Variants in TMEM273 observed in about 807,000 individuals in gnomAD.
TMEM273 encodes transmembrane protein 273, also known as chromosome 10 open reading frame 128.
A neutral mutation model predicts 17.9 loss-of-function variants in TMEM273; 19 were observed. The observed-to-expected ratio is 1.06, with a 90% confidence interval of 0.74 to 1.55. The LOEUF is 1.55. Among genes scored for constraint, TMEM273 ranks in the 40% most tolerant of loss-of-function variants. The pLI is 0.00. For missense variants in TMEM273, 194 were observed against 155.6 expected, an observed-to-expected ratio of 1.25 and a Z score of -1.31; for synonymous variants, 66 against 62.0, an observed-to-expected ratio of 1.07 and a Z score of -0.31.
In TMEM273 at chr10:49,155,519, G is replaced by C. The variant is rs1018452407; in HGVS notation, c.*373C>G. 4.2e-5 allele frequency: 13 copies of C among 306,046 alleles called. No homozygotes were observed. The highest frequency in any genetic ancestry group is 6.7e-5 in the Non-Finnish European group (11 of 163,814). 19.0% of individuals were successfully genotyped at this position (306,046 alleles called of 1,614,324 possible). On this transcript the variant is annotated 3_prime_UTR_variant, in exon 7 of 7. Transcript: ENST00000374153. ...GATGGCAGTGTGTAGGAAGCTGTGT[G>C]TTGGGTCGGATTCCCCTTTTCATGA...
Position 49,175,230 on chromosome 10 carries a change from G to A in TMEM273, c.44-7268C>T, listed in dbSNP as rs149689917. On this transcript the variant is annotated intron_variant, in intron 1 of 6. Coordinates refer to ENST00000374153, the MANE Select transcript of TMEM273 (RefSeq NM_001288740.3). ...GCTGGGGATACTGGCATAAGATGTG[G>A]CCGGCACTGTGGACAGATAAGGTTT... 9.9e-4 allele frequency among the ~76,000 whole-genome samples: 151 copies of A among 152,286 alleles called. 1 individual carries two copies. The highest frequency in any genetic ancestry group is 3.4e-3 in the Middle Eastern group (1 of 294).
Position 49,165,775 on chromosome 10 carries a change from C to G in TMEM273, c.260G>C (p.Arg87Thr). Residue 87 changes from arginine (R) to threonine (T), a missense_variant, in exon 4 of 7, where the codon AGA (arginine) becomes ACA (threonine). Coordinates refer to ENST00000374153, the MANE Select transcript of TMEM273 (RefSeq NM_001288740.3). ...GLSDTIPLKK[R>T]APRKLQASTL... ...TGGGCAGTGACCTTACCTTGGGGCT[C>G]TCTTCTTTAGCGGGATGGTGTCTAA... The G allele has an allele frequency of 1.2e-6, 2 of 1,614,134 alleles. No homozygotes were observed. Among genetic ancestry groups the G allele is most frequent in the Non-Finnish European group, 1.7e-6 (2 of 1,180,014 alleles).
chr10:49,165,727 C>T (rs1846134569), intron 4 of TMEM273, 39 bp downstream of exon 4: 1 of 1,612,836 alleles, frequency 6.2e-7, no homozygotes, highest in East Asian at 2.2e-5. Context: ...CAGGAGAGAA[C>T]ACGATACCTC....
chr10:49,169,970 C>A (rs1048494697), intron 1 of TMEM273, among the ~76,000 whole-genome samples: 7 of 152,242 alleles, frequency 4.6e-5, no homozygotes, highest in East Asian at 1.9e-4. Flanking sequence ...TGGGGCCAGA[C>A]CCCTGAGCCC....
intron 1 of TMEM273, among the ~76,000 whole-genome samples, chr10:49,170,770 G>A (rs1291279303): frequency 6.6e-6 from 1 of 152,160 alleles, no homozygotes; most frequent in African/African-American, 2.4e-5. Context: ...TTGGAGCTGT[G>A]ACTCTACACA....
At chr10:49,177,769 T>C (rs981472892) in intron 1 of TMEM273, among the ~76,000 whole-genome samples, 1 of 152,242 alleles carries the variant, frequency 6.6e-6, no homozygotes, top group Non-Finnish European at 1.5e-5. Flanking sequence ...CAGGGAGCTC[T>C]GGCTGGGTCT....
intron 1 of TMEM273, among the ~76,000 whole-genome samples, chr10:49,177,072 C>A (rs1847029392): frequency 6.6e-6 from 1 of 152,170 alleles, no homozygotes; most frequent in Non-Finnish European, 1.5e-5. Flanking sequence ...ATGGGTAGAG[C>A]AGAAGGAAGC....
At chr10:49,180,556 C>T (rs1162248788) in intron 1 of TMEM273, among the ~76,000 whole-genome samples, 1 of 151,950 alleles carries the variant, frequency 6.6e-6, no homozygotes, top group African/African-American at 2.4e-5. Context: ...TTGAAGACGT[C>T]AATAAGATTC....
intron 1 of TMEM273, among the ~76,000 whole-genome samples, chr10:49,183,795 C>T (rs910547805): frequency 6.6e-5 from 10 of 152,268 alleles, no homozygotes; most frequent in East Asian, 1.9e-4. Flanking sequence ...CCTTGGCCCA[C>T]GGTCGGCTCT....
intron 6 of TMEM273, among the ~76,000 whole-genome samples, chr10:49,158,638 G>A (rs1383735917): frequency 1.3e-5 from 2 of 152,196 alleles, no homozygotes; most frequent in Non-Finnish European, 2.9e-5. Flanking sequence ...GAAGCTCTCA[G>A]CACATGAATA....
At chr10:49,167,823 A>G (rs1846293106) in intron 2 of TMEM273, 86 bp downstream of exon 2, 1 of 1,544,842 alleles carries the variant, frequency 6.5e-7, no homozygotes, top group Non-Finnish European at 8.9e-7. Flanking sequence ...AACCAATTCC[A>G]GCACTGCGGC....
rs575829115 is a variant in TMEM273 at position 49,184,912 on chromosome 10, G to A, written c.43+3382C>T. ...GGCAGTGTTTCTGTGGAAACTTGTA[G>A]AGTAGTTGGGATGAATGCATTTGAC... On this transcript the variant is annotated intron_variant, in intron 1 of 6. Transcript: ENST00000374153. Among the ~76,000 whole-genome samples the A allele has an allele frequency of 8.9e-4, 135 of 152,346 alleles. 1 individual carries two copies. The highest frequency in any genetic ancestry group is 1.5e-3 in the East Asian group (8 of 5,186).
chr10:49,162,669 C>A (rs1845920513), intron 5 of TMEM273, among the ~76,000 whole-genome samples: 1 of 152,178 alleles, frequency 6.6e-6, no homozygotes. Context: ...CTGGCCACAG[C>A]AGTCTGTGTC....
At chr10:49,171,986 T>A (rs1315257502) in intron 1 of TMEM273, among the ~76,000 whole-genome samples, 2 of 152,198 alleles carry the variant, frequency 1.3e-5, no homozygotes, top group African/African-American at 2.4e-5. Context: ...CCAGTAGGCG[T>A]GCGTGCACTC....
At position 49,155,661 on chromosome 10, in the gene TMEM273, GCTCAATCCTTC is replaced by G. The variant is rs1845464757; in HGVS notation, c.*220_*230del. On this transcript the variant is annotated 3_prime_UTR_variant, in exon 7 of 7. Transcript: ENST00000374153. ...ACCTTCTTCCACTGCAGGCTAAATT[GCTCAATCCTTC>G]CTCTGTGCAGTCCGTTTCTTCCAGA... The G allele has an allele frequency of 6.5e-6, 4 of 611,584 alleles. No homozygotes were observed. The highest frequency in any genetic ancestry group is 1.1e-5 in the Non-Finnish European group (4 of 352,224). 37.9% of individuals were successfully genotyped at this position (611,584 alleles called of 1,614,324 possible).
intron 5 of TMEM273, among the ~76,000 whole-genome samples, chr10:49,162,483 G>A (rs1198873443): frequency 2.0e-5 from 3 of 152,218 alleles, no homozygotes; most frequent in African/African-American, 7.2e-5. Context: ...CTGGCGATTT[G>A]CAAAGCAAAG....
chr10:49,165,132 C>T (rs2132134936), intron 5 of TMEM273, 73 bp downstream of exon 5: 3 of 1,476,672 alleles, frequency 2.0e-6, no homozygotes, highest in Non-Finnish European at 2.7e-6. Context: ...TCAACTAGTG[C>T]AAAGAATTAT....
chr10:49,169,757 G>A (rs117752619), intron 1 of TMEM273, among the ~76,000 whole-genome samples: 2,251 of 152,188 alleles, frequency 0.015, 64 homozygotes, highest in Non-Finnish European at 0.016. Flanking sequence ...GTTGAACATC[G>A]TTCCGGACAT....
chr10:49,165,579 C>G (rs1846124020), intron 4 of TMEM273, among the ~76,000 whole-genome samples, 187 bp downstream of exon 4: 1 of 152,212 alleles, frequency 6.6e-6, no homozygotes, highest in African/African-American at 2.4e-5. Flanking sequence ...GGCCCTCACT[C>G]TTGTGACACC....
Sources: allele counts gnomAD v4.1 joint callset (sites outside exome capture counted in the v4.1 genomes callset), GRCh38; gene constraint gnomAD v4.1.1; transcripts MANE v1.5; gene names NCBI Gene and HGNC (gene_info 2026-07-23, HGNC 2026-07-21).